Variants in PCDH15 observed in about 807,000 individuals in gnomAD.
The protein encoded by PCDH15 is protocadherin-15.
PCDH15 carries 129 observed loss-of-function variants against 178.5 expected under a neutral mutation model. That is an observed-to-expected ratio of 0.72 (90% confidence interval 0.63 to 0.84). PCDH15 has a LOEUF of 0.84. Among genes scored for constraint, PCDH15 ranks in the 40% least tolerant of loss-of-function variants. PCDH15 has a pLI of 0.00. For missense variants in PCDH15, 2,230 were observed against 2,099.9 expected, an observed-to-expected ratio of 1.06 and a Z score of -1.21; for synonymous variants, 800 against 732.0, an observed-to-expected ratio of 1.09 and a Z score of -1.50.
intron 2 of PCDH15, among the ~76,000 whole-genome samples, chr10:55,587,825 T>C (rs889306238): frequency 2.6e-5 from 4 of 152,202 alleles, no homozygotes; most frequent in African/African-American, 7.2e-5. Context: ...TTCAAGTTCC[T>C]TGAGGCCTGG....
chr10:55,576,329 G>T (rs895223800), intron 2 of PCDH15, among the ~76,000 whole-genome samples: 1 of 152,140 alleles, frequency 6.6e-6, no homozygotes, highest in Non-Finnish European at 1.5e-5. Context: ...CATCATAAGG[G>T]TCTTCGCCCT....
chr10:55,118,476 G>T (rs1397514919), intron 2 of PCDH15, among the ~76,000 whole-genome samples: 2 of 152,108 alleles, frequency 1.3e-5, no homozygotes, highest in Non-Finnish European at 2.9e-5. Context: ...AACTTTGACT[G>T]TATATTAAAA....
chr10:54,472,911 AAG>A (rs1318032519), intron 3 of PCDH15, among the ~76,000 whole-genome samples: 2 of 152,162 alleles, frequency 1.3e-5, no homozygotes, highest in Non-Finnish European at 2.9e-5. Context: ...CACAGTTGAA[AAG>A]AGTTATTTTT....
intron 26 of PCDH15, among the ~76,000 whole-genome samples, chr10:53,884,574 C>A (rs1278005416): frequency 6.6e-6 from 1 of 152,082 alleles, no homozygotes; most frequent in South Asian, 2.1e-4. Flanking sequence ...ACAGATAATA[C>A]CTGTACTGAA....
At chr10:54,429,003 C>G (rs1956636321) in intron 3 of PCDH15, among the ~76,000 whole-genome samples, 1 of 152,128 alleles carries the variant, frequency 6.6e-6, no homozygotes, top group Non-Finnish European at 1.5e-5. Flanking sequence ...ACTGGTAATA[C>G]TAAGCACACA....
At chr10:54,806,593 C>T (rs1952781786) in intron 3 of PCDH15, among the ~76,000 whole-genome samples, 1 of 151,608 alleles carries the variant, frequency 6.6e-6, no homozygotes, top group East Asian at 2.0e-4. Flanking sequence ...GAGCAATTCT[C>T]CTGCCTCAGC....
At chr10:55,359,684 C>T (rs1845175497) in intron 2 of PCDH15, among the ~76,000 whole-genome samples, 1 of 147,290 alleles carries the variant, frequency 6.8e-6, no homozygotes, top group South Asian at 2.1e-4. Flanking sequence ...CAACCAAACT[C>T]CCTATCAATA....
At chr10:55,575,312 A>G (rs1291410372) in intron 2 of PCDH15, among the ~76,000 whole-genome samples, 1 of 152,126 alleles carries the variant, frequency 6.6e-6, no homozygotes, top group Non-Finnish European at 1.5e-5. Flanking sequence ...ATCAGAGGTA[A>G]AAAAAGACAA....
chr10:55,515,737 C>T (rs1458741250), intron 2 of PCDH15, among the ~76,000 whole-genome samples: 1 of 152,002 alleles, frequency 6.6e-6, no homozygotes, highest in Non-Finnish European at 1.5e-5. Flanking sequence ...AAAAAGTCAT[C>T]ATGCAAATCA....
intron 21 of PCDH15, among the ~76,000 whole-genome samples, chr10:53,993,665 G>A (rs1387918725): frequency 6.6e-6 from 1 of 152,068 alleles, no homozygotes; most frequent in Non-Finnish European, 1.5e-5. Context: ...TTAAAAAAAA[G>A]TAATTATGTA....
intron 2 of PCDH15, among the ~76,000 whole-genome samples, chr10:55,031,641 G>A (rs1390191862): frequency 6.6e-6 from 1 of 152,126 alleles, no homozygotes; most frequent in East Asian, 1.9e-4. Flanking sequence ...GTATTTAGAA[G>A]GTGAGGTTTT....
intron 23 of PCDH15, among the ~76,000 whole-genome samples, chr10:53,953,851 G>A (rs572505118): frequency 4.1e-4 from 62 of 152,180 alleles, no homozygotes; most frequent in Non-Finnish European, 6.5e-4. Flanking sequence ...GTGCAGTGGC[G>A]CAATCTCAGC....
chr10:54,187,201 T>G (rs532903569), intron 11 of PCDH15, among the ~76,000 whole-genome samples: 1 of 152,104 alleles, frequency 6.6e-6, no homozygotes, highest in South Asian at 2.1e-4. Flanking sequence ...CTTTGTTCCT[T>G]TTGTTCAAAT....
chr10:54,315,449 T>C (rs1310235142), intron 8 of PCDH15, among the ~76,000 whole-genome samples: 1 of 152,174 alleles, frequency 6.6e-6, no homozygotes, highest in Non-Finnish European at 1.5e-5. Context: ...AGATGCATAG[T>C]TTGCAAATAT....
At chr10:54,346,202 G>A (rs181454334) in intron 6 of PCDH15, among the ~76,000 whole-genome samples, 163 bp downstream of exon 6, 1 of 151,986 alleles carries the variant, frequency 6.6e-6, no homozygotes, top group African/African-American at 2.4e-5. Flanking sequence ...TAGCAATAAA[G>A]CATAAATATT....
At position 53,813,315 on chromosome 10, in the gene PCDH15, C is replaced by T. The variant is rs904505362; in HGVS notation, c.4492-1696G>A. The stretch of plus-strand genomic sequence containing the variant: ...CTACCCTAGATCCTGTAGGTATTGA[C>T]GCTTGCATTACTTCTTCTATCTTAT... On this transcript the variant is annotated intron_variant, in intron 35 of 37. Coordinates refer to ENST00000644397, the MANE Select transcript of PCDH15 (RefSeq NM_001384140.1). Among the ~76,000 whole-genome samples, 46 of 152,214 alleles carry T rather than the reference C, an allele frequency of 3.0e-4. 1 individual carries two copies. The highest frequency in any genetic ancestry group is 9.9e-4 in the African/African-American group (41 of 41,538).
rs528457388 is a variant in PCDH15 at position 55,238,150 on chromosome 10, T to C, written c.-155-71499A>G. On this transcript the variant is annotated intron_variant, in intron 1 of 5. Transcript: ENST00000458638. ...ACTTCATGCATTCATATTTTCTTTTTTTTTTTTTTTTTTTTGAGACGGAGT... is the reference window on the plus strand; with the variant it reads ...ACTTCATGCATTCATATTTTCTTTTCTTTTTTTTTTTTTTTGAGACGGAGT... Among the ~76,000 whole-genome samples, 172 of 146,840 alleles carry C rather than the reference T, an allele frequency of 1.2e-3. 3 individuals carry two copies. In the South Asian group the frequency reaches 0.016, roughly 14 times the overall value.
chr10:53,979,424 G>C (rs2090443592), intron 21 of PCDH15, among the ~76,000 whole-genome samples: 1 of 152,190 alleles, frequency 6.6e-6, no homozygotes, highest in Non-Finnish European at 1.5e-5. Flanking sequence ...TACACGTGAA[G>C]ATTATGGGAA....
chr10:55,568,638 A>T (rs1276966944), intron 2 of PCDH15, among the ~76,000 whole-genome samples: 1 of 152,094 alleles, frequency 6.6e-6, no homozygotes, highest in Non-Finnish European at 1.5e-5. Context: ...AGCTAATTTG[A>T]CATGTTATCG....
Sources: gnomAD v4.1 joint callset for allele counts (sites outside exome capture counted in the v4.1 genomes callset) on GRCh38, gnomAD v4.1.1 for gene constraint, MANE v1.5 for transcripts, NCBI Gene and HGNC (gene_info 2026-07-23, HGNC 2026-07-21) for gene names.